RFC5: variants seen among roughly 807,000 people sequenced by gnomAD.
RFC5 encodes A1 36 kDa subunit.
RFC5 carries 26 observed loss-of-function variants against 44.3 expected under a neutral mutation model. That is an observed-to-expected ratio of 0.59 (90% CI 0.43 to 0.81). The LOEUF (loss-of-function observed/expected upper bound fraction) is 0.81, where lower values mean the gene tolerates loss of function less well. Ranked by LOEUF, RFC5 falls within the 40% of genes least tolerant of loss-of-function variation. The pLI, the probability that RFC5 is intolerant of heterozygous loss-of-function variation, is 0.00. For synonymous variants in RFC5, 155 were observed against 155.2 expected, an observed-to-expected ratio of 1.00 and a Z score of 0.01; for missense variants, 328 against 418.6, an observed-to-expected ratio of 0.78 and a Z score of 1.89.
intron 1 of RFC5, chr12:118,018,048 T>G: frequency 2.9e-6 from 2 of 701,718 alleles, no homozygotes; most frequent in Non-Finnish European, 5.2e-6. Flanking sequence ...ATTCTGGACA[T>G]TTCATGTAAG....
At chr12:118,040,958 A>G in the RFC5 span, among the ~76,000 whole-genome samples, 1 of 152,276 alleles carries the variant, frequency 6.6e-6, no homozygotes, top group African/African-American at 2.4e-5. Context: ...CTGAGACACA[A>G]GAATGACTTG....
At chr12:118,018,700 C>T (rs1050004975) in intron 1 of RFC5, among the ~76,000 whole-genome samples, 1 of 152,116 alleles carries the variant, frequency 6.6e-6, no homozygotes, top group Non-Finnish European at 1.5e-5. Flanking sequence ...ACCTCCGCCT[C>T]CCGGGTTCCA....
At chr12:118,017,161 GC>G (rs1225657667) in intron 1 of RFC5, among the ~76,000 whole-genome samples, 2 of 152,190 alleles carry the variant, frequency 1.3e-5, no homozygotes, top group Non-Finnish European at 2.9e-5. Context: ...CCTGGTGACA[GC>G]ACAGGGGTTC....
At chr12:118,033,780 A>C (rs1327297679), downstream of RFC5, 1 of 169,016 alleles carries the variant, frequency 5.9e-6, no homozygotes, top group Non-Finnish European at 1.3e-5. Flanking sequence ...CAGAAACACA[A>C]GGATAGGTAC....
chr12:118,036,378 T>C (rs745822746), downstream of RFC5: 16 of 1,614,196 alleles, frequency 9.9e-6, no homozygotes, highest in Non-Finnish European at 1.2e-5. Context: ...GGGTCCCACA[T>C]AATCACATTG....
intron 5 of RFC5, 93 bp from the exon 6 acceptor site, chr12:118,024,758 A>T: frequency 9.5e-7 from 1 of 1,057,172 alleles, no homozygotes; most frequent in Non-Finnish European, 1.4e-6. Flanking sequence ...CTTTTCCTAT[A>T]CCCTTGTGAC....
At position 118,016,796 on chromosome 12, in the gene RFC5, T is replaced by C. The variant is rs2137680693; in HGVS notation, c.-32T>C. On this transcript the variant is annotated 5_prime_UTR_variant, in exon 1 of 11. Transcript: ENST00000454402. ...CAGGCGCTTGGGTGACGCGACGATC[T>C]CAGCGGATCTGGTCACCTTCGTCTC... 3.8e-6 allele frequency: 6 copies of C among 1,594,032 alleles called. No individual in the cohort carries two copies. In the African/African-American group the frequency reaches 6.7e-5, roughly 18 times the overall value.
chr12:118,034,574 G>GCTCTCTCTCTCTCTCTCTCT (rs368693869), downstream of RFC5: 3,326 of 527,230 alleles, frequency 6.3e-3, 18 homozygotes, highest in East Asian at 0.012. Flanking sequence ...ATACCAAAGC[G>GCTCTCTCTCTCTCTCTCTCT]CTCTCTCTGT....
downstream of RFC5, chr12:118,035,223 G>A (rs762163611): frequency 8.1e-6 from 13 of 1,614,196 alleles, no homozygotes; most frequent in Non-Finnish European, 1.1e-5. Flanking sequence ...CCTGTCATCT[G>A]CCACCGTGGC....
chr12:118,031,400 A>G lies in RFC5; in HGVS notation c.*122A>G. On this transcript the variant is annotated 3_prime_UTR_variant, in exon 11 of 11. Coordinates refer to ENST00000454402, the MANE Select transcript of RFC5 (RefSeq NM_007370.7). Reference sequence around the variant, plus strand: ...ATCAGTCACCCCGAATCTTGGAAAAACCCCCTTCCAGGAGAGGATGGGCAG... The same window carrying G: ...ATCAGTCACCCCGAATCTTGGAAAAGCCCCCTTCCAGGAGAGGATGGGCAG... 1.7e-6 allele frequency: 1 copy of G among 577,136 alleles called. No individual in the cohort carries two copies. The highest frequency in any genetic ancestry group is 3.0e-6 in the Non-Finnish European group (1 of 333,454). 35.8% of individuals were successfully genotyped at this position (577,136 alleles called of 1,614,324 possible). A position where few individuals can be genotyped will look rare whatever the true frequency, so the allele number is the denominator to read the frequency against.
chr12:118,027,555 C>G (rs2031032365), intron 8 of RFC5, among the ~76,000 whole-genome samples: 2 of 151,810 alleles, frequency 1.3e-5, no homozygotes, highest in South Asian at 4.2e-4. Flanking sequence ...GCCTGTAGTT[C>G]CAGCTACTCG....
downstream of RFC5, chr12:118,032,263 TG>T (rs1184127338): frequency 6.6e-6 from 1 of 152,190 alleles, no homozygotes; most frequent in African/African-American, 2.4e-5. Context: ...AACTGTCAAA[TG>T]GAAAAAGTCA....
Position 118,025,834 on chromosome 12 carries a change from G to A in RFC5, c.663+6G>A, listed in dbSNP as rs1302232738. ...GGGCTCTGAACATTTTGCAGGTATG[G>A]TCTCAAGCAAATCCTTTTTTTTTTT... On this transcript the variant is annotated splice_donor_region_variant and intron_variant, in intron 7 of 10. Transcript: ENST00000454402. 5 of 1,522,248 alleles carry A rather than the reference G, an allele frequency of 3.3e-6. No individual in the cohort carries two copies. Among genetic ancestry groups the A allele is most frequent in the Non-Finnish European group, 4.5e-6 (5 of 1,102,996 alleles). The allele number at this position is 1,522,248 out of a possible 1,614,324, so 94.3% of individuals were successfully genotyped here. A position where few individuals can be genotyped will look rare whatever the true frequency, so the allele number is the denominator to read the frequency against.
At position 118,016,756 on chromosome 12, in the gene RFC5, C is replaced by G. The variant is rs2030103249; in HGVS notation, c.-72C>G. On this transcript the variant is annotated 5_prime_UTR_variant, in exon 1 of 11. Transcript: ENST00000454402. ...GTGCCAGGGTCTCAGGGTCAGGTCG[C>G]GGCTGGTCACTGTGCAGGCGCTTGG... 4 of 1,306,938 alleles carry G rather than the reference C, an allele frequency of 3.1e-6. No homozygotes were observed. In the South Asian group the frequency reaches 5.0e-5, roughly 16 times the overall value. The allele number at this position is 1,306,938 out of a possible 1,614,324, so 81.0% of individuals were successfully genotyped here.
downstream of RFC5, chr12:118,034,842 G>A (rs1444019749): frequency 7.1e-6 from 5 of 708,904 alleles, no homozygotes; most frequent in Non-Finnish European, 6.8e-6. Context: ...TAGCAAAATC[G>A]ATCATTTGAG....
Position 118,019,155 on chromosome 12 carries a change from G to A in RFC5, c.130+19G>A. 2 of 1,583,386 alleles carry A rather than the reference G, an allele frequency of 1.3e-6. No homozygotes were observed. Among genetic ancestry groups the A allele is most frequent in the Non-Finnish European group, 1.7e-6 (2 of 1,152,438 alleles). On this transcript the variant is annotated intron_variant, in intron 2 of 10. Transcript: ENST00000454402. The surrounding 1 kb of genome is among the most constrained non-coding windows in gnomAD (Gnocchi z 4.2). ...AGTACCAGTAAGTATTCATGTGTCA[G>A]TTGCTCTTGTCCTGCTTGAGCGACT...
intron 1 of RFC5, among the ~76,000 whole-genome samples, chr12:118,018,626 AG>A (rs1468276902): frequency 3.3e-5 from 5 of 151,874 alleles, no homozygotes; most frequent in Non-Finnish European, 5.9e-5. Flanking sequence ...TTTTAAGACA[AG>A]GTCTCACTCT....
At chr12:118,036,964 A>C (rs1283013032), downstream of RFC5, among the ~76,000 whole-genome samples, 1 of 151,938 alleles carries the variant, frequency 6.6e-6, no homozygotes, top group Non-Finnish European at 1.5e-5. Context: ...GGTGGATCAC[A>C]TGAGGCCAGG....
Position 118,025,976 on chromosome 12 carries a change from G to A in RFC5, c.663+148G>A, listed in dbSNP as rs1044345578. 6.7e-5 allele frequency: 39 copies of A among 578,406 alleles called. No homozygotes were observed. The Admixed American group carries it at 7.3e-4, about 11-fold the overall frequency. The allele number at this position is 578,406 out of a possible 1,614,324, so 35.8% of individuals were successfully genotyped here. A position where few individuals can be genotyped will look rare whatever the true frequency, so the allele number is the denominator to read the frequency against. On this transcript the variant is annotated intron_variant, in intron 7 of 10. Coordinates refer to ENST00000454402, the MANE Select transcript of RFC5 (RefSeq NM_007370.7). ...CGAATCTCCTGCCTCCTGAGCAGCTGGGATTACAGGTGCCCGCCACCACGC... is the reference window on the plus strand; with the variant it reads ...CGAATCTCCTGCCTCCTGAGCAGCTAGGATTACAGGTGCCCGCCACCACGC...
Sources: allele counts gnomAD v4.1 joint callset (sites outside exome capture counted in the v4.1 genomes callset), GRCh38; gene constraint gnomAD v4.1.1; non-coding constraint Gnocchi (gnomAD v3.1); transcripts MANE v1.5; gene names NCBI Gene and HGNC (gene_info 2026-07-23, HGNC 2026-07-21).